Variants in KLHL31 observed in about 807,000 individuals in gnomAD.
The protein encoded by KLHL31 is kelch-like protein 31.
Under a neutral mutation model 47.1 loss-of-function variants are expected in KLHL31, and 32 were observed. That is an observed-to-expected ratio of 0.68 (90% confidence interval 0.51 to 0.91). The LOEUF (loss-of-function observed/expected upper bound fraction) is 0.91. Among genes scored for constraint, KLHL31 ranks in the 40% least tolerant of loss-of-function variants. The pLI, the probability that KLHL31 is intolerant of heterozygous loss-of-function variation, is 0.00. For missense variants in KLHL31, 797 were observed against 819.3 expected (o/e 0.97, Z 0.33); for synonymous variants, 330 against 325.1 (o/e 1.01, Z -0.16).
intron 1 of KLHL31, among the ~76,000 whole-genome samples, chr6:53,657,655 T>TGTGTGTGTG (rs70980858): frequency 1.4e-5 from 2 of 147,128 alleles, no homozygotes; most frequent in Admixed American, 6.8e-5. Context: ...TGTGTGTGTG[T>TGTGTGTGTG]TTTAAATCCC....
In KLHL31 at chr6:53,648,017, A is replaced by C. The variant is rs1209499166; in HGVS notation, c.*3581T>G. ...TCCTTATATAGTACCAGAATGTTTT[A>C]AGCAAAGAAAGAAATTTTTTTGCCA... is the stretch of plus-strand genomic sequence containing the variant. On this transcript the variant is annotated 3_prime_UTR_variant, in exon 3 of 3. Transcript: ENST00000370905. 1 of 152,666 alleles carries C rather than the reference A, an allele frequency of 6.6e-6. No homozygotes were observed. Among genetic ancestry groups the C allele is most frequent in the Non-Finnish European group, 1.5e-5 (1 of 68,036 alleles). The allele number at this position is 152,666 out of a possible 1,614,324, so 9.5% of individuals were successfully genotyped here. A position where few individuals can be genotyped will look rare whatever the true frequency, so the allele number is the denominator to read the frequency against.
In KLHL31 at chr6:53,665,042, CA is replaced by C. The variant is rs761213462; in HGVS notation, c.-34+558del. On this transcript the variant is annotated intron_variant, in intron 1 of 2. Coordinates refer to ENST00000370905, the MANE Select transcript of KLHL31 (RefSeq NM_001003760.5). ...AAAAACCTATTTTTTAGCCAAATAA[CA>C]AATTTTTTTTTTTTTTTAGGAAGGA... Among the ~76,000 whole-genome samples the C allele has an allele frequency of 1.3e-4, 19 of 148,680 alleles. No individual in the cohort carries two copies. The East Asian group carries it at 1.6e-3, about 12-fold the overall frequency.
intron 1 of KLHL31, among the ~76,000 whole-genome samples, chr6:53,665,268 T>C (rs893060083): frequency 3.3e-5 from 5 of 152,222 alleles, no homozygotes; most frequent in African/African-American, 1.2e-4. Context: ...TCCTTCTCTA[T>C]AAAGTAGTGA....
intron 1 of KLHL31, among the ~76,000 whole-genome samples, chr6:53,661,719 C>A (rs1034818488): frequency 3.3e-5 from 5 of 152,174 alleles, no homozygotes; most frequent in Admixed American, 3.3e-4. Flanking sequence ...CATACAGGAA[C>A]TCTCACTGTT....
intron 1 of KLHL31, among the ~76,000 whole-genome samples, chr6:53,665,396 G>A (rs553487080): frequency 2.6e-5 from 4 of 152,110 alleles, no homozygotes; most frequent in Admixed American, 2.0e-4. Context: ...CTCCTAACAC[G>A]TTACATTTCT....
chr6:53,657,654 G>GTGTGTGTT (rs1491444765), intron 1 of KLHL31, among the ~76,000 whole-genome samples: 2 of 140,070 alleles, frequency 1.4e-5, no homozygotes, highest in African/African-American at 2.9e-5. Context: ...GTGTGTGTGT[G>GTGTGTGTT]TTTTAAATCC....
In KLHL31 at chr6:53,654,098, TACCTGC is replaced by T; in HGVS notation, c.1169_1172+2del. On this transcript the variant is annotated splice_donor_variant and coding_sequence_variant, in exon 2 of 3. Coordinates refer to ENST00000370905, the MANE Select transcript of KLHL31 (RefSeq NM_001003760.5). LOFTEE classifies it high-confidence loss of function. ...TTTCAGTTCCTAATAAAAGATCAAGTACCTGCAGAAATTGCTGACTGCATGCTTGGC... is the reference window on the plus strand; with the variant it reads ...TTTCAGTTCCTAATAAAAGATCAAGTAGAAATTGCTGACTGCATGCTTGGC... 1 of 1,590,604 alleles carries T rather than the reference TACCTGC, an allele frequency of 6.3e-7. No homozygotes were observed. The highest frequency in any genetic ancestry group is 8.6e-7 in the Non-Finnish European group (1 of 1,168,246).
At chr6:53,652,546 C>G (rs1396575216) in intron 2 of KLHL31, 5 of 600,766 alleles carry the variant, frequency 8.3e-6, no homozygotes, top group East Asian at 2.8e-5. Flanking sequence ...CCCTCGCCCC[C>G]GTTTATAAGC....
In KLHL31 at chr6:53,665,660, C is replaced by A. The variant is rs1213786791; in HGVS notation, c.-93G>T. The stretch of plus-strand genomic sequence containing the variant: ...GATGAAGTTTTAGCAGGAGACTCCT[C>A]TTGGGAAGGGATCTGTGGAGATAGA... On this transcript the variant is annotated 5_prime_UTR_variant, in exon 1 of 3. Coordinates refer to ENST00000370905, the MANE Select transcript of KLHL31 (RefSeq NM_001003760.5). The A allele has an allele frequency of 6.6e-6, 1 of 152,176 alleles. No individual in the cohort carries two copies. Among genetic ancestry groups the A allele is most frequent in the Non-Finnish European group, 1.5e-5 (1 of 68,086 alleles). 9.4% of individuals were successfully genotyped at this position (152,176 alleles called of 1,614,324 possible).
chr6:53,653,250 T>C (rs1160039615), intron 2 of KLHL31, among the ~76,000 whole-genome samples: 4 of 152,234 alleles, frequency 2.6e-5, no homozygotes. Flanking sequence ...ACTCCCAAAT[T>C]AAACTCAACT....
At chr6:53,660,950 T>TAG (rs1268890715) in intron 1 of KLHL31, among the ~76,000 whole-genome samples, 4 of 152,174 alleles carry the variant, frequency 2.6e-5, no homozygotes, top group Non-Finnish European at 5.9e-5. Flanking sequence ...CTGCAACTCA[T>TAG]AGGTAAGGCT....
chr6:53,652,641 C>G (rs1281859182), intron 2 of KLHL31, among the ~76,000 whole-genome samples: 1 of 152,144 alleles, frequency 6.6e-6, no homozygotes, highest in African/African-American at 2.4e-5. Context: ...CCCTTTCCTC[C>G]ATATTCAAAT....
chr6:53,651,474 A>G lies in KLHL31; in HGVS notation c.*124T>C, dbSNP rs1581785855. On this transcript the variant is annotated 3_prime_UTR_variant, in exon 3 of 3. Transcript: ENST00000370905. ...AAGCCATCAGGACATGTGCCTCGAC[A>G]TATTTTACAATACAATCAGTGTAGT... 4.0e-6 allele frequency: 4 copies of G among 1,001,684 alleles called. No homozygotes were observed. The East Asian group carries it at 1.2e-4, about 29-fold the overall frequency. The allele number at this position is 1,001,684 out of a possible 1,614,324, so 62.0% of individuals were successfully genotyped here. A position where few individuals can be genotyped will look rare whatever the true frequency, so the allele number is the denominator to read the frequency against.
chr6:53,663,507 G>A (rs2127371193), intron 1 of KLHL31, among the ~76,000 whole-genome samples: 2 of 152,294 alleles, frequency 1.3e-5, no homozygotes, highest in East Asian at 3.9e-4. Flanking sequence ...AGATAATCAA[G>A]CACTTCCTTT....
chr6:53,656,284 A>G (rs1045497132), intron 1 of KLHL31, among the ~76,000 whole-genome samples: 4 of 152,306 alleles, frequency 2.6e-5, no homozygotes, highest in Middle Eastern at 3.4e-3. Flanking sequence ...GAACTTAATA[A>G]AATGATTTCA....
chr6:53,655,331 G>A, intron 1 of KLHL31, 26 bp from the exon 2 acceptor site: 2 of 1,208,112 alleles, frequency 1.7e-6, no homozygotes, highest in East Asian at 2.4e-5. Flanking sequence ...AAAAAACATG[G>A]TTTTGTTTTA....
chr6:53,663,734 T>C (rs1223380632), intron 1 of KLHL31, among the ~76,000 whole-genome samples: 4 of 152,204 alleles, frequency 2.6e-5, no homozygotes, highest in Admixed American at 1.3e-4. Flanking sequence ...TTGAAAACTT[T>C]AGTAAACTGG....
In KLHL31 at chr6:53,654,449, A is replaced by G; in HGVS notation, c.824T>C (p.Val275Ala). ...ATCAGCATCTTGCATCATTCTTGGT[A>G]CGGATTGAACATAATTGACCAGGTC... ...AQDLVNYVQS[V>A]PRMMQDADCH... The change falls in exon 2 of 3, where the codon GTA (valine) becomes GCA (alanine). Residue 275 changes from valine to alanine, a missense_variant. By Grantham distance (64) the Val-to-Ala change is moderately conservative. Transcript: ENST00000370905. 1 of 1,614,210 alleles carries G rather than the reference A, an allele frequency of 6.2e-7. No individual in the cohort carries two copies. Among genetic ancestry groups the G allele is most frequent in the Non-Finnish European group, 8.5e-7 (1 of 1,180,014 alleles).
Position 53,652,270 on chromosome 6 carries a change from G to A in KLHL31, c.1233C>T (p.His411=). 1 of 1,614,204 alleles carries A rather than the reference G, an allele frequency of 6.2e-7. No individual in the cohort carries two copies. Among genetic ancestry groups the A allele is most frequent in the Non-Finnish European group, 8.5e-7 (1 of 1,180,048 alleles). Reference sequence around the variant, plus strand: ...GCCCGTTGAACACGCTCAGGCTGAAGTGCGTGCGCTTCTGGTTCATGCTGG... The same window carrying A: ...GCCCGTTGAACACGCTCAGGCTGAAATGCGTGCGCTTCTGGTTCATGCTGG... ...HLASMNQKRT[H]FSLSVFNGLV... is the part of the protein sequence containing the mutation. Residue 411 remains histidine, a synonymous_variant, in exon 3 of 3, where the codon CAC becomes CAT. Transcript: ENST00000370905.
Sources: allele counts gnomAD v4.1 joint callset (sites outside exome capture counted in the v4.1 genomes callset), GRCh38; gene constraint gnomAD v4.1.1; transcripts MANE v1.5; gene names NCBI Gene and HGNC (gene_info 2026-07-23, HGNC 2026-07-21).